CDH12: variants seen among roughly 807,000 people sequenced by gnomAD.
CDH12 encodes the protein cadherin 12, also known as cadherin-12.
In CDH12, 41 loss-of-function variants were observed where a neutral mutation model predicts 74.1. That is an observed-to-expected ratio of 0.55 (90% CI 0.43 to 0.72). The LOEUF is 0.72. Among genes scored for constraint, CDH12 ranks in the 30% least tolerant of loss-of-function variants. The probability of loss-of-function intolerance (pLI) is 0.00; values close to 1 mark genes in which losing one functional copy is unlikely to be tolerated. For synonymous variants in CDH12, 399 were observed against 355.0 expected (o/e 1.12, Z -1.39); for missense variants, 945 against 977.2 (o/e 0.97, Z 0.44).
intron 11 of CDH12, among the ~76,000 whole-genome samples, chr5:21,769,127 A>G (rs1189229247): frequency 1.3e-5 from 2 of 152,078 alleles, no homozygotes; most frequent in African/African-American, 2.4e-5. Flanking sequence ...TCAACCTGAT[A>G]AAGTATGTCT....
chr5:21,880,831 A>C (rs1752317123), intron 6 of CDH12, among the ~76,000 whole-genome samples: 1 of 151,776 alleles, frequency 6.6e-6, no homozygotes, highest in Non-Finnish European at 1.5e-5. Context: ...GTGAGAGAGA[A>C]AGTTTCATGG....
chr5:22,351,499 A>C, intron 3 of CDH12, among the ~76,000 whole-genome samples: 1 of 152,218 alleles, frequency 6.6e-6, no homozygotes. Flanking sequence ...AGAGGAGTTG[A>C]GTAAAAAACT....
intron 1 of CDH12, among the ~76,000 whole-genome samples, chr5:22,530,260 T>C (rs1468605870): frequency 1.3e-5 from 2 of 152,162 alleles, no homozygotes; most frequent in African/African-American, 4.8e-5. Context: ...TGTAAGAGCA[T>C]ATATGCTTTT....
intron 9 of CDH12, among the ~76,000 whole-genome samples, chr5:21,804,643 AACACAC>A (rs11281181): frequency 0.17 from 19,567 of 114,660 alleles, 1,455 homozygotes; most frequent in African/African-American, 0.24. Context: ...AGTGAATTAA[AACACAC>A]ACACACACAC....
intron 2 of CDH12, among the ~76,000 whole-genome samples, chr5:22,483,321 A>G (rs1305015435): frequency 6.6e-6 from 1 of 152,140 alleles, no homozygotes; most frequent in Admixed American, 6.6e-5. Context: ...ATTGAAAACT[A>G]CAATATATAT....
chr5:22,518,655 GA>G (rs1736909262), intron 1 of CDH12, among the ~76,000 whole-genome samples: 1 of 152,104 alleles, frequency 6.6e-6, no homozygotes, highest in Non-Finnish European at 1.5e-5. Context: ...CATAAGCCTT[GA>G]ATTCTTAGCA....
At chr5:22,319,108 A>C (rs928145472) in intron 3 of CDH12, among the ~76,000 whole-genome samples, 5 of 152,224 alleles carry the variant, frequency 3.3e-5, no homozygotes, top group Admixed American at 3.3e-4. Context: ...CAGAAAAATC[A>C]GAGCTACTTA....
chr5:22,149,483 T>G (rs1747427289), intron 4 of CDH12, among the ~76,000 whole-genome samples: 2 of 152,158 alleles, frequency 1.3e-5, no homozygotes, highest in South Asian at 4.1e-4. Flanking sequence ...TAGCAAGAAT[T>G]TTAAGAAAAT....
At chr5:22,034,016 G>T (rs1446720437) in intron 5 of CDH12, among the ~76,000 whole-genome samples, 2 of 152,098 alleles carry the variant, frequency 1.3e-5, no homozygotes, top group Non-Finnish European at 2.9e-5. Context: ...CATATTTAAA[G>T]AAAGTTGCTG....
rs553097011 is a variant in CDH12 at position 21,787,599 on chromosome 5, C to A, written c.1257-4105G>T. Among the ~76,000 whole-genome samples, 70 of 152,186 alleles carry A rather than the reference C, an allele frequency of 4.6e-4. 2 individuals carry two copies. The South Asian group carries it at 0.013, about 27-fold the overall frequency. On this transcript the variant is annotated intron_variant, in intron 10 of 14. Coordinates refer to ENST00000382254, the MANE Select transcript of CDH12 (RefSeq NM_004061.5). Reference sequence around the variant, plus strand: ...TTATCGTGGTAGTCTGGAACCAAACCTGCAATATATCCAGGGTATATCTGT... The same window carrying A: ...TTATCGTGGTAGTCTGGAACCAAACATGCAATATATCCAGGGTATATCTGT...
At chr5:22,219,340 A>T (rs1326974271) in intron 3 of CDH12, among the ~76,000 whole-genome samples, 1 of 151,586 alleles carries the variant, frequency 6.6e-6, no homozygotes, top group African/African-American at 2.4e-5. Flanking sequence ...TTATTTACGA[A>T]ATCAAACTTT....
intron 5 of CDH12, among the ~76,000 whole-genome samples, chr5:22,051,579 T>C (rs984464764): frequency 6.6e-6 from 1 of 152,150 alleles, no homozygotes; most frequent in African/African-American, 2.4e-5. Context: ...CACGCTGTAT[T>C]CTTTCTCTAA....
At chr5:22,262,823 TG>T (rs1026157037) in intron 3 of CDH12, among the ~76,000 whole-genome samples, 23 of 152,176 alleles carry the variant, frequency 1.5e-4, no homozygotes, top group African/African-American at 5.1e-4. Flanking sequence ...TGGTGTGAGA[TG>T]GTATCTCATA....
At chr5:21,767,185 C>G (rs1195369573) in intron 11 of CDH12, among the ~76,000 whole-genome samples, 2 of 151,660 alleles carry the variant, frequency 1.3e-5, no homozygotes, top group Non-Finnish European at 3.0e-5. Flanking sequence ...ATGTATGAGT[C>G]CTGCAGCTAC....
At chr5:22,766,459 A>T (rs1746520294) in intron 1 of CDH12, among the ~76,000 whole-genome samples, 1 of 152,140 alleles carries the variant, frequency 6.6e-6, no homozygotes, top group East Asian at 1.9e-4. Context: ...TTATTAGATT[A>T]TATTGAATGA....
chr5:22,844,358 A>G (rs1053187107), intron 1 of CDH12, among the ~76,000 whole-genome samples: 4 of 152,122 alleles, frequency 2.6e-5, no homozygotes, highest in Non-Finnish European at 5.9e-5. Flanking sequence ...ACTCCAAATC[A>G]AACAGCTTCA....
intron 1 of CDH12, among the ~76,000 whole-genome samples, chr5:22,762,434 T>C (rs1746276530): frequency 6.6e-6 from 1 of 152,120 alleles, no homozygotes; most frequent in Non-Finnish European, 1.5e-5. Context: ...TTTTATTGTA[T>C]TTTATTTGCT....
chr5:22,250,212 T>C (rs1366656943), intron 3 of CDH12, among the ~76,000 whole-genome samples: 3 of 151,940 alleles, frequency 2.0e-5, no homozygotes, highest in Non-Finnish European at 2.9e-5. Flanking sequence ...TATAGTCTAC[T>C]GCTGTGCAAG....
At chr5:21,890,980 C>A (rs1179144798) in intron 6 of CDH12, among the ~76,000 whole-genome samples, 2 of 151,892 alleles carry the variant, frequency 1.3e-5, no homozygotes, top group African/African-American at 4.8e-5. Flanking sequence ...GTATATAAAC[C>A]CCATTACGTC....
Sources: gnomAD v4.1 joint callset for allele counts (sites outside exome capture counted in the v4.1 genomes callset) on GRCh38, gnomAD v4.1.1 for gene constraint, MANE v1.5 for transcripts, NCBI Gene and HGNC (gene_info 2026-07-23, HGNC 2026-07-21) for gene names.